The following CFAP97 variants were observed in gnomAD, a reference collection of about 807,000 sequenced individuals.
CFAP97 encodes cilia and flagella associated protein 97, also known as cilia- and flagella-associated protein 97.
CFAP97 carries 36 observed loss-of-function variants against 43.1 expected under a neutral mutation model. The ratio of observed to expected loss-of-function variants is 0.84; its 90% CI spans 0.64 to 1.10. The LOEUF is 1.10. CFAP97 is among the 50% of genes least tolerant of loss of function. CFAP97 has a pLI of 0.00. For synonymous variants in CFAP97, 228 were observed against 225.7 expected, an observed-to-expected ratio of 1.01 and a Z score of -0.09; for missense variants, 657 against 620.3, an observed-to-expected ratio of 1.06 and a Z score of -0.63.
chr4:185,199,880 A>G (rs905968553), intron 1 of CFAP97, among the ~76,000 whole-genome samples: 7 of 152,302 alleles, frequency 4.6e-5, no homozygotes, highest in African/African-American at 1.7e-4. Flanking sequence ...CTGGTCACCC[A>G]ATAGCTCTAA....
rs773756131 is a variant in CFAP97 at position 185,164,113 on chromosome 4, C to A, written c.1387G>T (p.Asp463Tyr). 68 of 1,613,758 alleles carry A rather than the reference C, an allele frequency of 4.2e-5. 1 individual carries two copies. In the Admixed American group the frequency reaches 1.1e-3, roughly 26 times the overall value. ...VGMKRSEQLM[D>Y]YHRNMGYLNS... is the part of the protein sequence containing the mutation. ...AGATAGCCCATATTGCGATGATAGT[C>A]CATCAGTTGTTCTGAACGTTTCATA... The change falls in exon 4 of 5, where the codon GAC (aspartate) becomes TAC (tyrosine). Residue 463 changes from aspartate (D) to tyrosine (Y), a missense_variant. Coordinates refer to ENST00000458385, the MANE Select transcript of CFAP97 (RefSeq NM_020827.3).
chr4:185,203,879 C>G lies in CFAP97; in HGVS notation c.-17+19G>C, dbSNP rs1737054669. On this transcript the variant is annotated intron_variant, in intron 1 of 4. Transcript: ENST00000458385. ...CGCCCCGCGAGCAGGGAGCCAGGAG[C>G]CGCTCGCGCGCCCCTCACCTGAGAG... 6.6e-6 allele frequency: 1 copy of G among 151,822 alleles called. No homozygotes were observed. Among genetic ancestry groups the G allele is most frequent in the African/African-American group, 2.4e-5 (1 of 41,370 alleles). The allele number at this position is 151,822 out of a possible 1,614,324, so 9.4% of individuals were successfully genotyped here. A position where few individuals can be genotyped will look rare whatever the true frequency, so the allele number is the denominator to read the frequency against.
upstream of CFAP97, among the ~76,000 whole-genome samples, chr4:185,206,815 C>T (rs557208145): frequency 5.9e-5 from 9 of 152,260 alleles, no homozygotes; most frequent in African/African-American, 1.9e-4. Context: ...ATACACCCTT[C>T]GCCGGCTGGA....
rs1734834053 is a variant in CFAP97 at position 185,160,349 on chromosome 4, A to G, written c.*2449T>C. 6.6e-6 allele frequency: 1 copy of G among 151,910 alleles called. No homozygotes were observed. The highest frequency in any genetic ancestry group is 1.5e-5 in the Non-Finnish European group (1 of 68,000). 9.4% of individuals were successfully genotyped at this position (151,910 alleles called of 1,614,324 possible). A position where few individuals can be genotyped will look rare whatever the true frequency, so the allele number is the denominator to read the frequency against. ...AGTTATAGATGTAAATCTTCAAAGT[A>G]CATATATTCAGTACAAGTCAAAAAA... On this transcript the variant is annotated 3_prime_UTR_variant, in exon 5 of 5. Coordinates refer to ENST00000458385, the MANE Select transcript of CFAP97 (RefSeq NM_020827.3).
intron 2 of CFAP97, among the ~76,000 whole-genome samples, chr4:185,177,016 C>T (rs1387350908): frequency 6.6e-6 from 1 of 152,110 alleles, no homozygotes; most frequent in Non-Finnish European, 1.5e-5. Context: ...TCTTAAATTT[C>T]CATATTATAA....
chr4:185,176,241 T>C (rs575857431), intron 2 of CFAP97, among the ~76,000 whole-genome samples, 190 bp from the exon 3 acceptor site: 43 of 151,922 alleles, frequency 2.8e-4, no homozygotes, highest in African/African-American at 9.4e-4. Flanking sequence ...GCCTCCAGAC[T>C]AGCTGGGATT....
chr4:185,162,642 A>G lies in CFAP97; in HGVS notation c.*156T>C. On this transcript the variant is annotated 3_prime_UTR_variant, in exon 5 of 5. Coordinates refer to ENST00000458385, the MANE Select transcript of CFAP97 (RefSeq NM_020827.3). ...TTTTTACATTAAATCGTTTTTTGAC[A>G]ATAATTTTGCACTGAATAACAATAC... is the stretch of plus-strand genomic sequence containing the variant. The G allele has an allele frequency of 1.3e-6, 1 of 756,126 alleles. No individual in the cohort carries two copies. Among genetic ancestry groups the G allele is most frequent in the Non-Finnish European group, 2.1e-6 (1 of 481,348 alleles). The allele number at this position is 756,126 out of a possible 1,614,324, so 46.8% of individuals were successfully genotyped here. A position where few individuals can be genotyped will look rare whatever the true frequency, so the allele number is the denominator to read the frequency against.
intron 2 of CFAP97, among the ~76,000 whole-genome samples, chr4:185,187,462 C>T (rs1290348867): frequency 1.3e-5 from 2 of 151,762 alleles, no homozygotes; most frequent in South Asian, 2.1e-4. Context: ...CAAGCTTTTG[C>T]GACACAGAGA....
chr4:185,175,264 T>C (rs1160969618), intron 3 of CFAP97, among the ~76,000 whole-genome samples: 1 of 150,892 alleles, frequency 6.6e-6, no homozygotes, highest in African/African-American at 2.4e-5. Context: ...CTCTCTCTTT[T>C]TTCTTCTCTT....
At chr4:185,174,961 A>G (rs1579237483) in intron 3 of CFAP97, among the ~76,000 whole-genome samples, 1 of 152,236 alleles carries the variant, frequency 6.6e-6, no homozygotes, top group Admixed American at 6.5e-5. Context: ...TTATTTTCTT[A>G]TAATATCAAA....
intron 2 of CFAP97, among the ~76,000 whole-genome samples, chr4:185,189,804 A>T (rs959823943): frequency 3.9e-5 from 6 of 152,222 alleles, no homozygotes; most frequent in African/African-American, 1.4e-4. Flanking sequence ...TTCTTAAAGA[A>T]GAAAGTGAAA....
chr4:185,175,892 G>A lies in CFAP97; in HGVS notation c.1214C>T (p.Pro405Leu). 1 of 1,613,808 alleles carries A rather than the reference G, an allele frequency of 6.2e-7. No homozygotes were observed. The highest frequency in any genetic ancestry group is 1.1e-5 in the South Asian group (1 of 91,054). The change falls in exon 3 of 5, where the codon CCG becomes CTG. Residue 405 changes from proline to leucine, a missense_variant. By Grantham distance (98) the Pro-to-Leu change is moderately conservative. Coordinates refer to ENST00000458385, the MANE Select transcript of CFAP97 (RefSeq NM_020827.3). ...LKELSRQAEKPGSKSTIPRSA... is the reference protein window; with the variant it reads ...LKELSRQAEKLGSKSTIPRSA... Reference sequence around the variant, plus strand: ...TCTAGGAATTGTACTTTTGCTTCCCGGCTTTTCCGCCTGTCTTGACAGTTC... The same window carrying A: ...TCTAGGAATTGTACTTTTGCTTCCCAGCTTTTCCGCCTGTCTTGACAGTTC...
chr4:185,207,025 A>G (rs921849453), upstream of CFAP97, among the ~76,000 whole-genome samples: 2 of 152,012 alleles, frequency 1.3e-5, no homozygotes, highest in South Asian at 4.2e-4. Flanking sequence ...CACAGAGGAA[A>G]CCACCTTTTT....
At chr4:185,164,907 T>C (rs1735009668) in intron 3 of CFAP97, among the ~76,000 whole-genome samples, 1 of 152,258 alleles carries the variant, frequency 6.6e-6, no homozygotes, top group Admixed American at 6.5e-5. Flanking sequence ...TCTCCACATG[T>C]ACATTGCAGA....
intron 1 of CFAP97, among the ~76,000 whole-genome samples, chr4:185,203,502 C>A (rs1737010799): frequency 6.6e-6 from 1 of 152,214 alleles, no homozygotes; most frequent in African/African-American, 2.4e-5. Context: ...CTCTTGTCTA[C>A]ATCCCCTACC....
chr4:185,191,038 C>T lies in CFAP97; in HGVS notation c.159G>A (p.Ser53=), dbSNP rs775722402. Residue 53 remains serine (S), a synonymous_variant, in exon 2 of 5, where the codon TCG becomes TCA. Coordinates refer to ENST00000458385, the MANE Select transcript of CFAP97 (RefSeq NM_020827.3). ...TTTCTGTTGTTTGCATTCCAGTGTT[C>T]GAATTTACATTTTTTGTATCTTTAT... ...RIDKDTKNVN[S]NTGMQTTENY... 4.3e-6 allele frequency: 7 copies of T among 1,613,006 alleles called. No individual in the cohort carries two copies. Among genetic ancestry groups the T allele is most frequent in the South Asian group, 3.3e-5 (3 of 90,900 alleles).
intron 1 of CFAP97, among the ~76,000 whole-genome samples, chr4:185,192,631 CTGTT>C (rs916283372): frequency 4.0e-5 from 6 of 150,054 alleles, no homozygotes; most frequent in African/African-American, 1.2e-4. Flanking sequence ...TTTTTTTTAT[CTGTT>C]TATTACAGTG....
rs78319899 is a variant in CFAP97, at chr4:185,189,365, T to A, written c.1054+778A>T. ...TTACATTGCTACCATATGCAATTTA[T>A]CTAGTTAAAGACTAACATTTCAAAC... On this transcript the variant is annotated intron_variant, in intron 2 of 4. Transcript: ENST00000458385. Among the ~76,000 whole-genome samples the A allele has an allele frequency of 9.5e-3, 1,443 of 152,334 alleles. 19 individuals carry two copies. The highest frequency in any genetic ancestry group is 0.032 in the African/African-American group (1,344 of 41,574).
At chr4:185,164,341 G>T (rs1335655276) in intron 3 of CFAP97, among the ~76,000 whole-genome samples, 162 bp from the exon 4 acceptor site, 1 of 151,918 alleles carries the variant, frequency 6.6e-6, no homozygotes, top group Non-Finnish European at 1.5e-5. Flanking sequence ...GGGCTTAAAG[G>T]ATCCTCCCAT....
Sources: allele counts gnomAD v4.1 joint callset (sites outside exome capture counted in the v4.1 genomes callset), GRCh38; gene constraint gnomAD v4.1.1; transcripts MANE v1.5; gene names NCBI Gene and HGNC (gene_info 2026-07-23, HGNC 2026-07-21).